DOCK2: variants seen among roughly 807,000 people sequenced by gnomAD.
DOCK2 encodes the protein dedicator of cytokinesis protein 2.
Under a neutral mutation model 248.9 loss-of-function variants are expected in DOCK2, and 87 were observed. The observed-to-expected ratio is 0.35, with a 90% CI of 0.29 to 0.42. DOCK2 has a LOEUF of 0.42. Among genes scored for constraint, DOCK2 ranks in the 10% least tolerant of loss-of-function variants. The pLI is 1.00. For missense variants in DOCK2, 1,747 were observed against 2,300.2 expected, an observed-to-expected ratio of 0.76 and a Z score of 4.92; for synonymous variants, 805 against 821.6, an observed-to-expected ratio of 0.98 and a Z score of 0.35.
intron 1 of DOCK2, among the ~76,000 whole-genome samples, chr5:169,646,411 A>T (rs1333699553): frequency 6.6e-6 from 1 of 152,190 alleles, no homozygotes; most frequent in Non-Finnish European, 1.5e-5. Flanking sequence ...TTCATTTTGC[A>T]GGTGAGGAAA....
At chr5:170,018,927 G>A (rs1407371906) in intron 32 of DOCK2, 33 bp from the exon 33 acceptor site, 2 of 1,611,044 alleles carry the variant, frequency 1.2e-6, no homozygotes, top group Admixed American at 1.7e-5. Flanking sequence ...TCGCCGAACT[G>A]TTTTATGTGT....
chr5:170,065,074 T>C (rs1757446216), intron 44 of DOCK2, among the ~76,000 whole-genome samples: 1 of 152,104 alleles, frequency 6.6e-6, no homozygotes, highest in Admixed American at 6.6e-5. Context: ...TTGTTAAAGA[T>C]AGAAATTATT....
At chr5:170,060,075 A>G (rs1465264743) in intron 44 of DOCK2, among the ~76,000 whole-genome samples, 2 of 152,230 alleles carry the variant, frequency 1.3e-5, no homozygotes, top group East Asian at 1.9e-4. Context: ...TCCATAAATT[A>G]TCATGACTAC....
Position 169,847,135 on chromosome 5 carries a change from G to A in DOCK2, c.2799+6283G>A, listed in dbSNP as rs867610626. Among the ~76,000 whole-genome samples the A allele has an allele frequency of 1.7e-4, 26 of 152,250 alleles. No individual in the cohort carries two copies. In the Middle Eastern group the frequency reaches 0.02, roughly 120 times the overall value. On this transcript the variant is annotated intron_variant, in intron 27 of 51. Coordinates refer to ENST00000520908, the MANE Select transcript of DOCK2 (RefSeq NM_004946.3). Reference sequence around the variant, plus strand: ...GTTGGTTCCACATGTTGGCAATTGCGATTTGTGCTGCTATAAACATACATG... The same window carrying A: ...GTTGGTTCCACATGTTGGCAATTGCAATTTGTGCTGCTATAAACATACATG...
At position 169,702,346 on chromosome 5, in the gene DOCK2, C is replaced by T. The variant is rs1761020008; in HGVS notation, c.1302C>T (p.Asp434=). ...NDIYITLLQG[D]FDKYNKTTQR... is the part of the protein sequence containing the mutation. ...TCTACATTACTCTCTTACAAGGTGA[C>T]TTTGACAAGTACAACAAGACCACAC... The change falls in exon 14 of 52, where the codon GAC becomes GAT. Residue 434 remains aspartate, a synonymous_variant. Transcript: ENST00000520908. The T allele has an allele frequency of 6.2e-7, 1 of 1,613,876 alleles. No individual in the cohort carries two copies. Among genetic ancestry groups the T allele is most frequent in the Non-Finnish European group, 8.5e-7 (1 of 1,179,908 alleles).
At chr5:169,965,866 G>C (rs1777277958) in intron 27 of DOCK2, among the ~76,000 whole-genome samples, 1 of 152,176 alleles carries the variant, frequency 6.6e-6, no homozygotes, top group Non-Finnish European at 1.5e-5. Context: ...CTAGAACTCA[G>C]GCCTCTGGGC....
chr5:169,817,986 G>A (rs953760472), intron 26 of DOCK2, among the ~76,000 whole-genome samples: 4 of 152,234 alleles, frequency 2.6e-5, no homozygotes, highest in East Asian at 3.9e-4. Context: ...TTAAAACATC[G>A]CATAAAAAGC....
chr5:169,719,918 CT>C (rs1158613279), intron 22 of DOCK2, among the ~76,000 whole-genome samples: 2 of 147,738 alleles, frequency 1.4e-5, no homozygotes, highest in African/African-American at 5.1e-5. Context: ...GACTCTGACT[CT>C]TAAAAAAAAA....
intron 28 of DOCK2, among the ~76,000 whole-genome samples, chr5:169,983,687 G>A (rs2113786120): frequency 6.6e-6 from 1 of 152,256 alleles, no homozygotes; most frequent in East Asian, 1.9e-4. Context: ...GGCTGTTCCT[G>A]CCCCAAGGGT....
chr5:169,784,416 G>A (rs1179056142), intron 25 of DOCK2, among the ~76,000 whole-genome samples: 1 of 152,176 alleles, frequency 6.6e-6, no homozygotes, highest in Admixed American at 6.5e-5. Flanking sequence ...ACCTGCCCAA[G>A]GTCACACCAC....
rs951568993 is a variant in DOCK2 at position 169,759,836 on chromosome 5, G to A, written c.2447+61G>A. On this transcript the variant is annotated intron_variant, in intron 24 of 51. Coordinates refer to ENST00000520908, the MANE Select transcript of DOCK2 (RefSeq NM_004946.3). ...GGCAAGCTAGGGATTCAGAGTGGGA[G>A]GAGGGCTCTTATGGGGAGCTCCAGA... 11 of 1,597,366 alleles carry A rather than the reference G, an allele frequency of 6.9e-6. No individual in the cohort carries two copies. The Admixed American group carries it at 1.8e-4, about 27-fold the overall frequency.
chr5:169,744,538 A>C (rs770672608), intron 22 of DOCK2, among the ~76,000 whole-genome samples: 1 of 152,112 alleles, frequency 6.6e-6, no homozygotes, highest in Non-Finnish European at 1.5e-5. Context: ...GTTTGCAACA[A>C]AACCAGCCAG....
intron 32 of DOCK2, among the ~76,000 whole-genome samples, chr5:170,016,927 G>C (rs1244283727): frequency 6.6e-6 from 1 of 152,082 alleles, no homozygotes; most frequent in African/African-American, 2.4e-5. Flanking sequence ...TTCTATTTGG[G>C]CCAAAGCAAA....
In DOCK2 at chr5:169,848,125, A is replaced by G. The variant is rs141263691; in HGVS notation, c.2799+7273A>G. ...AGAAAGAAAACTTGCTGCCAATTATAATGTGACACAGATTGTAATCTTCAG... is the reference window on the plus strand; with the variant it reads ...AGAAAGAAAACTTGCTGCCAATTATGATGTGACACAGATTGTAATCTTCAG... On this transcript the variant is annotated intron_variant, in intron 27 of 51. Transcript: ENST00000520908. 4.5e-3 allele frequency among the ~76,000 whole-genome samples: 680 copies of G among 152,332 alleles called. 8 individuals are homozygous for G. Among genetic ancestry groups the G allele is most frequent in the African/African-American group, 0.015 (644 of 41,578 alleles).
At chr5:169,901,273 G>T (rs1237116539) in intron 27 of DOCK2, among the ~76,000 whole-genome samples, 3 of 152,198 alleles carry the variant, frequency 2.0e-5, no homozygotes, top group Non-Finnish European at 4.4e-5. Flanking sequence ...ACAGCTAAAG[G>T]AAAGGCCAGC....
rs1191416515 is a variant in DOCK2, at chr5:169,763,881, T to G, written c.2554+2256T>G. 6.6e-6 allele frequency among the ~76,000 whole-genome samples: 1 copy of G among 152,214 alleles called. No individual in the cohort carries two copies. Among genetic ancestry groups the G allele is most frequent in the Non-Finnish European group, 1.5e-5 (1 of 68,032 alleles). On this transcript the variant is annotated intron_variant, in intron 25 of 51. Transcript: ENST00000520908. The surrounding 1 kb of genome is among the most constrained non-coding windows in gnomAD (Gnocchi z 4.1). ...GCTCACATGTGAAAGTCGTATGACC[T>G]TATTCACAGCTGAAAGGTAACTCCT...
intron 27 of DOCK2, among the ~76,000 whole-genome samples, chr5:169,864,934 T>A (rs1441384184): frequency 6.6e-6 from 1 of 152,212 alleles, no homozygotes; most frequent in East Asian, 1.9e-4. Context: ...TGAGATAATA[T>A]AAATGAAATG....
intron 1 of DOCK2, among the ~76,000 whole-genome samples, chr5:169,653,801 C>T (rs1389991935): frequency 6.6e-6 from 1 of 152,234 alleles, no homozygotes; most frequent in Non-Finnish European, 1.5e-5. Flanking sequence ...CTGTCTAATT[C>T]TACCATTTGG....
Position 169,708,319 on chromosome 5 carries a change from G to C in DOCK2, c.1482+52G>C, listed in dbSNP as rs772867705. ...CATGTCTAGTTCTTACCATGAACCA[G>C]GCACTGTTTTAAGTGCTTTATTTAA... On this transcript the variant is annotated intron_variant, in intron 15 of 51. Transcript: ENST00000520908. The C allele has an allele frequency of 4.5e-6, 7 of 1,545,950 alleles. No individual in the cohort carries two copies. In the East Asian group the frequency reaches 1.6e-4, roughly 35 times the overall value.
Sources: gnomAD v4.1 joint callset for allele counts (sites outside exome capture counted in the v4.1 genomes callset) on GRCh38, gnomAD v4.1.1 for gene constraint, Gnocchi (gnomAD v3.1) non-coding constraint, MANE v1.5 for transcripts, NCBI Gene and HGNC (gene_info 2026-07-23, HGNC 2026-07-21) for gene names.